Variants in PCDH7 observed in about 807,000 individuals in gnomAD.
PCDH7 encodes the protein protocadherin-7.
In PCDH7, 17 loss-of-function variants were observed where a neutral mutation model predicts 58.9. The ratio of observed to expected loss-of-function variants is 0.29; its 90% CI spans 0.20 to 0.43. The LOEUF is 0.43. Ranked by LOEUF, PCDH7 falls within the 20% of genes least tolerant of loss-of-function variation. The probability of loss-of-function intolerance (pLI) is 1.00; values close to 1 mark genes in which losing one functional copy is unlikely to be tolerated. For missense variants in PCDH7, 1,274 were observed against 1,441.0 expected, an observed-to-expected ratio of 0.88 and a Z score of 1.88; for synonymous variants, 664 against 616.4, an observed-to-expected ratio of 1.08 and a Z score of -1.14.
At chr4:30,827,754 C>T (rs370447069) in intron 1 of PCDH7, among the ~76,000 whole-genome samples, 1 of 152,128 alleles carries the variant, frequency 6.6e-6, no homozygotes, top group African/African-American at 2.4e-5. Flanking sequence ...TGTGACAGAA[C>T]ATGATTCGTA....
chr4:30,816,094 G>C (rs1727635953), intron 1 of PCDH7, among the ~76,000 whole-genome samples: 1 of 152,082 alleles, frequency 6.6e-6, no homozygotes. Context: ...TTATTTTATA[G>C]ATACATTATT....
intron 2 of PCDH7, among the ~76,000 whole-genome samples, chr4:30,926,595 C>T (rs1297838416): frequency 6.6e-6 from 1 of 152,174 alleles, no homozygotes; most frequent in Non-Finnish European, 1.5e-5. Flanking sequence ...ATATTCTCAC[C>T]TTAAATATTT....
chr4:31,077,452 C>A (rs1408384180), intron 3 of PCDH7, among the ~76,000 whole-genome samples: 4 of 151,028 alleles, frequency 2.6e-5, no homozygotes, highest in Admixed American at 2.6e-4. Context: ...AAAAAATATG[C>A]AAGTCTTTTC....
chr4:30,912,194 A>G (rs886324904), intron 1 of PCDH7, among the ~76,000 whole-genome samples: 1 of 152,196 alleles, frequency 6.6e-6, no homozygotes, highest in Non-Finnish European at 1.5e-5. Flanking sequence ...TTAGCAAAAG[A>G]AAACACCCCT....
At chr4:30,907,006 G>T (rs1741031214) in intron 1 of PCDH7, among the ~76,000 whole-genome samples, 1 of 152,098 alleles carries the variant, frequency 6.6e-6, no homozygotes, top group South Asian at 2.1e-4. Flanking sequence ...CTGGGTGACA[G>T]AGTGAGACTC....
intron 3 of PCDH7, among the ~76,000 whole-genome samples, chr4:31,128,689 T>C (rs1171795164): frequency 1.3e-5 from 2 of 152,180 alleles, no homozygotes; most frequent in Non-Finnish European, 2.9e-5. Context: ...CCACTAAATA[T>C]AGAATTTTCC....
At chr4:31,126,449 C>T (rs1458974126) in intron 3 of PCDH7, among the ~76,000 whole-genome samples, 1 of 152,110 alleles carries the variant, frequency 6.6e-6, no homozygotes, top group Non-Finnish European at 1.5e-5. Context: ...CCTGAGCCAC[C>T]TCACGCAGGC....
chr4:30,912,515 T>TA (rs1741916505), intron 1 of PCDH7, among the ~76,000 whole-genome samples: 1 of 151,928 alleles, frequency 6.6e-6, no homozygotes, highest in South Asian at 2.1e-4. Context: ...TTGGAAAAAA[T>TA]AAAAAAGCCT....
chr4:30,965,430 A>T (rs1449839836), intron 3 of PCDH7, among the ~76,000 whole-genome samples: 1 of 152,068 alleles, frequency 6.6e-6, no homozygotes, highest in Non-Finnish European at 1.5e-5. Context: ...TATAAAGTAC[A>T]ATGAATCACT....
At chr4:31,132,001 A>G (rs1719052390) in intron 3 of PCDH7, among the ~76,000 whole-genome samples, 1 of 152,176 alleles carries the variant, frequency 6.6e-6, no homozygotes, top group African/African-American at 2.4e-5. Flanking sequence ...CTTCAATGTG[A>G]TTCATTTTAG....
intron 1 of PCDH7, among the ~76,000 whole-genome samples, chr4:30,754,289 C>A (rs1341113666): frequency 6.6e-6 from 1 of 151,874 alleles, no homozygotes; most frequent in African/African-American, 2.4e-5. Context: ...CTGTATCAGA[C>A]AATATACAGA....
intron 3 of PCDH7, among the ~76,000 whole-genome samples, chr4:31,066,585 A>C (rs1758114651): frequency 6.6e-6 from 1 of 151,844 alleles, no homozygotes; most frequent in Non-Finnish European, 1.5e-5. Flanking sequence ...CCTTCTAATG[A>C]GCTCTATTAA....
chr4:31,090,773 G>A (rs1713140700), intron 3 of PCDH7, among the ~76,000 whole-genome samples: 1 of 151,832 alleles, frequency 6.6e-6, no homozygotes, highest in Non-Finnish European at 1.5e-5. Flanking sequence ...ATTTTTTAAA[G>A]ATATTTCTTG....
chr4:30,921,878 T>C (rs1353669167), intron 2 of PCDH7, among the ~76,000 whole-genome samples: 1 of 151,930 alleles, frequency 6.6e-6, no homozygotes, highest in East Asian at 1.9e-4. Context: ...ACTATGTAAT[T>C]ACATATGTAA....
chr4:31,062,520 C>T (rs547910332), intron 3 of PCDH7, among the ~76,000 whole-genome samples: 2 of 151,670 alleles, frequency 1.3e-5, no homozygotes, highest in Non-Finnish European at 3.0e-5. Flanking sequence ...CAGAAGGATA[C>T]GAGAGCCAAA....
chr4:31,089,783 A>G (rs533132912), intron 3 of PCDH7, among the ~76,000 whole-genome samples: 4 of 152,254 alleles, frequency 2.6e-5, no homozygotes, highest in Admixed American at 2.6e-4. Context: ...GAGAAGTAAC[A>G]TTATATTCAG....
At chr4:30,894,835 T>C (rs912202857) in intron 1 of PCDH7, among the ~76,000 whole-genome samples, 5 of 150,800 alleles carry the variant, frequency 3.3e-5, no homozygotes. Flanking sequence ...TTAGTCAACC[T>C]ATCCGAAAAT....
intron 3 of PCDH7, among the ~76,000 whole-genome samples, chr4:31,001,270 T>G (rs1752342698): frequency 6.6e-6 from 1 of 152,100 alleles, no homozygotes; most frequent in African/African-American, 2.4e-5. Context: ...TAAGCAGATT[T>G]TGTGCATTTT....
Position 30,746,909 on chromosome 4 carries a change from C to G in PCDH7, c.70+22313C>G, listed in dbSNP as rs543349831. Among the ~76,000 whole-genome samples, 117 of 152,110 alleles carry G rather than the reference C, an allele frequency of 7.7e-4. 1 individual carries two copies. Among genetic ancestry groups the G allele is most frequent in the African/African-American group, 2.7e-3 (114 of 41,500 alleles). On this transcript the variant is annotated intron_variant, in intron 1 of 3. Transcript: ENST00000509759. Reference sequence around the variant, plus strand: ...AGGTTTTCCTTGCACTGGCCTATCCCCATGTGAGGATTTCGAAATATAGGT... The same window carrying G: ...AGGTTTTCCTTGCACTGGCCTATCCGCATGTGAGGATTTCGAAATATAGGT...
Sources: gnomAD v4.1 joint callset for allele counts (sites outside exome capture counted in the v4.1 genomes callset) on GRCh38, gnomAD v4.1.1 for gene constraint, MANE v1.5 for transcripts, NCBI Gene and HGNC (gene_info 2026-07-23, HGNC 2026-07-21) for gene names.